The following ARHGAP22 variants were observed in gnomAD, a reference collection of about 807,000 sequenced individuals.
The protein encoded by ARHGAP22 is Rho GTPase activating protein 22, also known as rho GTPase-activating protein 22.
A neutral mutation model predicts 59.1 loss-of-function variants in ARHGAP22; 48 were observed. The observed-to-expected ratio is 0.81, with a 90% CI of 0.64 to 1.03. The LOEUF (loss-of-function observed/expected upper bound fraction) is 1.03. ARHGAP22 is among the 50% of genes least tolerant of loss of function. The pLI, the probability that ARHGAP22 is intolerant of heterozygous loss-of-function variation, is 0.00. For missense variants in ARHGAP22, 1,015 were observed against 958.7 expected, an observed-to-expected ratio of 1.06 and a Z score of -0.78; for synonymous variants, 445 against 416.4, an observed-to-expected ratio of 1.07 and a Z score of -0.84.
chr10:48,654,939 CTCT>C, upstream of ARHGAP22, among the ~76,000 whole-genome samples: 1 of 106,510 alleles, frequency 9.4e-6, no homozygotes, highest in East Asian at 2.7e-4. Flanking sequence ...GTTTCTCTCT[CTCT>C]TTCTTTCTCT....
At chr10:48,599,554 G>A (rs1167806480) in intron 1 of ARHGAP22, among the ~76,000 whole-genome samples, 2 of 152,240 alleles carry the variant, frequency 1.3e-5, no homozygotes, top group Non-Finnish European at 2.9e-5. Flanking sequence ...TATGGGAGTT[G>A]AAGTAAAATA....
intron 1 of ARHGAP22, among the ~76,000 whole-genome samples, chr10:48,646,184 A>G (rs1168462967): frequency 2.6e-5 from 4 of 152,346 alleles, no homozygotes; most frequent in East Asian, 3.9e-4. Context: ...GAGAAGATTA[A>G]GAAGATATAA....
intron 5 of ARHGAP22, among the ~76,000 whole-genome samples, chr10:48,459,020 C>T (rs1393067344): frequency 6.6e-6 from 1 of 152,200 alleles, no homozygotes; most frequent in Non-Finnish European, 1.5e-5. Flanking sequence ...AGGGCATAAG[C>T]CCCATGGAGG....
chr10:48,467,965 C>G (rs572578506), intron 4 of ARHGAP22, among the ~76,000 whole-genome samples: 2 of 152,302 alleles, frequency 1.3e-5, no homozygotes, highest in South Asian at 2.1e-4. Flanking sequence ...AAGCCAGGCA[C>G]TCACCACAGG....
chr10:48,542,958 A>G (rs965871267), intron 3 of ARHGAP22, among the ~76,000 whole-genome samples: 2 of 152,114 alleles, frequency 1.3e-5, no homozygotes, highest in Admixed American at 1.3e-4. Flanking sequence ...TCATCTCCCT[A>G]TTGGTGCCCA....
rs74130282 is a variant in ARHGAP22, at chr10:48,458,895, C to G, written c.659+789G>C. On this transcript the variant is annotated intron_variant, in intron 5 of 9. Transcript: ENST00000249601. ...TGACACCCTCCCCTGGCTGCAGTGA[C>G]GGGCCTGGGAAAGAGCTGAGGGGCT... Among the ~76,000 whole-genome samples the G allele has an allele frequency of 6.5e-3, 982 of 152,246 alleles. 10 individuals are homozygous for G. The highest frequency in any genetic ancestry group is 0.026 in the South Asian group (124 of 4,824).
At chr10:48,430,973 A>G in the ARHGAP22 span, 2 of 558,806 alleles carry the variant, frequency 3.6e-6, no homozygotes, top group African/African-American at 1.9e-5. Context: ...GAATTACAGG[A>G]AAGATTAGTA....
intron 1 of ARHGAP22, among the ~76,000 whole-genome samples, chr10:48,600,283 G>T (rs2060304196): frequency 6.6e-6 from 1 of 152,146 alleles, no homozygotes; most frequent in Non-Finnish European, 1.5e-5. Context: ...ATCCTTGATT[G>T]CATTTATATA....
chr10:48,435,043 C>CG, the ARHGAP22 span: 10 of 248,656 alleles, frequency 4.0e-5, no homozygotes, highest in Non-Finnish European at 6.9e-5. Context: ...CTTGGGCCAT[C>CG]GGGGGGTGGG....
At chr10:48,518,133 G>A (rs1162437836) in intron 3 of ARHGAP22, among the ~76,000 whole-genome samples, 6 of 152,280 alleles carry the variant, frequency 3.9e-5, no homozygotes, top group Admixed American at 3.9e-4. Flanking sequence ...CTCAGAAATC[G>A]AGTGGAGCCA....
Position 48,446,346 on chromosome 10 carries a change from TGG to T in ARHGAP22, c.*43_*44del. ...AGACGCTTCTAACTCCATACAAGGCTGGAGACCAGCAGACGTGGTACAGAAGT... is the reference window on the plus strand; with the variant it reads ...AGACGCTTCTAACTCCATACAAGGCTAGACCAGCAGACGTGGTACAGAAGT... On this transcript the variant is annotated 3_prime_UTR_variant, in exon 10 of 10. Transcript: ENST00000249601. 6.2e-7 allele frequency: 1 copy of T among 1,603,392 alleles called. No individual in the cohort carries two copies. Among genetic ancestry groups the T allele is most frequent in the Non-Finnish European group, 8.5e-7 (1 of 1,171,654 alleles).
intron 3 of ARHGAP22, among the ~76,000 whole-genome samples, chr10:48,503,841 C>G (rs529129707): frequency 1.3e-5 from 2 of 152,374 alleles, no homozygotes; most frequent in South Asian, 4.1e-4. Context: ...GTGAACACAT[C>G]AACATTTGCT....
intron 3 of ARHGAP22, among the ~76,000 whole-genome samples, chr10:48,551,316 T>C (rs2056875085): frequency 6.6e-6 from 1 of 152,214 alleles, no homozygotes; most frequent in Admixed American, 6.5e-5. Context: ...TGAGGGCCCA[T>C]GTCATCCTCT....
At chr10:48,497,515 G>A (rs2051058752) in intron 3 of ARHGAP22, among the ~76,000 whole-genome samples, 1 of 152,240 alleles carries the variant, frequency 6.6e-6, no homozygotes, top group Non-Finnish European at 1.5e-5. Context: ...TGAAGAGGGA[G>A]TGCCGGTGGT....
chr10:48,646,046 C>T (rs990046870), intron 1 of ARHGAP22, among the ~76,000 whole-genome samples: 3 of 152,130 alleles, frequency 2.0e-5, no homozygotes, highest in Admixed American at 6.5e-5. Flanking sequence ...TGTATACCTA[C>T]ACATCAGCAA....
chr10:48,566,866 C>T (rs949550568), intron 2 of ARHGAP22, among the ~76,000 whole-genome samples: 2 of 152,208 alleles, frequency 1.3e-5, no homozygotes, highest in Non-Finnish European at 2.9e-5. Context: ...GCCCCTAAAG[C>T]TCTTACTTTC....
intron 1 of ARHGAP22, among the ~76,000 whole-genome samples, chr10:48,634,722 C>T (rs963568882): frequency 3.9e-5 from 6 of 152,088 alleles, no homozygotes; most frequent in African/African-American, 1.2e-4. Flanking sequence ...TTGTGTCCCC[C>T]GACTCCAGTT....
chr10:48,624,660 A>G (rs2136053958), intron 1 of ARHGAP22, among the ~76,000 whole-genome samples: 1 of 152,324 alleles, frequency 6.6e-6, no homozygotes, highest in South Asian at 2.1e-4. Flanking sequence ...CTTCCATGTC[A>G]TATTTCAGGT....
intron 4 of ARHGAP22, among the ~76,000 whole-genome samples, chr10:48,473,076 G>A (rs1296257505): frequency 2.0e-5 from 3 of 152,158 alleles, no homozygotes; most frequent in Admixed American, 6.5e-5. Flanking sequence ...CACAATAGTT[G>A]AAACACAGAA....
Sources: allele counts gnomAD v4.1 joint callset (sites outside exome capture counted in the v4.1 genomes callset), GRCh38; gene constraint gnomAD v4.1.1; transcripts MANE v1.5; gene names NCBI Gene and HGNC (gene_info 2026-07-23, HGNC 2026-07-21).